MYSM1: variants seen among roughly 807,000 people sequenced by gnomAD.
The protein encoded by MYSM1 is deubiquitinase MYSM1.
In MYSM1, 51 loss-of-function variants were observed where a neutral mutation model predicts 116.0. The observed-to-expected ratio is 0.44, with a 90% CI of 0.35 to 0.56. The LOEUF is 0.56. Among genes scored for constraint, MYSM1 ranks in the 20% least tolerant of loss-of-function variants. The pLI, the probability that MYSM1 is intolerant of heterozygous loss-of-function variation, is 0.00. For missense variants in MYSM1, 900 were observed against 974.9 expected, an observed-to-expected ratio of 0.92 and a Z score of 1.02; for synonymous variants, 313 against 315.2, an observed-to-expected ratio of 0.99 and a Z score of 0.07.
intron 8 of MYSM1, among the ~76,000 whole-genome samples, chr1:58,678,764 G>A (rs11207290): frequency 0.17 from 26,570 of 152,096 alleles, 2,559 homozygotes; most frequent in South Asian, 0.28. Flanking sequence ...AATTTCCCTC[G>A]ACCAGATTTC....
At chr1:58,663,640 C>T (rs1350740402) in intron 17 of MYSM1, among the ~76,000 whole-genome samples, 1 of 152,188 alleles carries the variant, frequency 6.6e-6, no homozygotes, top group African/African-American at 2.4e-5. Flanking sequence ...TGGATAGTTC[C>T]CTCTAATGCT....
At chr1:58,669,688 C>T (rs1644526635) in intron 12 of MYSM1, among the ~76,000 whole-genome samples, 1 of 151,450 alleles carries the variant, frequency 6.6e-6, no homozygotes, top group Admixed American at 6.6e-5. Flanking sequence ...ACTAGCTGAG[C>T]GTGGTGGCGT....
At chr1:58,685,284 T>C (rs1163076764) in intron 6 of MYSM1, 33 bp from the exon 7 acceptor site, 3 of 1,516,692 alleles carry the variant, frequency 2.0e-6, no homozygotes, top group Non-Finnish European at 2.7e-6. Flanking sequence ...AAAATTGCTT[T>C]TGATGAATTT....
intron 5 of MYSM1, 100 bp from the exon 6 acceptor site, chr1:58,689,216 C>A: frequency 1.2e-6 from 1 of 824,264 alleles, no homozygotes; most frequent in Admixed American, 3.1e-5. Flanking sequence ...AAATTCAATA[C>A]TTTGAGTCTA....
At chr1:58,697,280 A>G (rs545375035) in intron 1 of MYSM1, among the ~76,000 whole-genome samples, 6 of 152,144 alleles carry the variant, frequency 3.9e-5, no homozygotes, top group Non-Finnish European at 7.3e-5. Context: ...TTATAAGGTG[A>G]AACTGAGGTG....
intron 12 of MYSM1, among the ~76,000 whole-genome samples, chr1:58,669,449 G>A (rs1402592245): frequency 6.6e-6 from 1 of 152,126 alleles, no homozygotes; most frequent in Non-Finnish European, 1.5e-5. Flanking sequence ...CTATAGAATA[G>A]GAACTTAAAA....
intron 8 of MYSM1, among the ~76,000 whole-genome samples, chr1:58,677,989 T>C (rs187494341): frequency 4.4e-3 from 667 of 152,300 alleles, no homozygotes; most frequent in African/African-American, 0.016. Flanking sequence ...ATTCCATGAA[T>C]ATATTGTTCT....
At chr1:58,664,379 T>C (rs1037782468) in intron 17 of MYSM1, among the ~76,000 whole-genome samples, 3 of 152,168 alleles carry the variant, frequency 2.0e-5, no homozygotes, top group Non-Finnish European at 2.9e-5. Context: ...TAAAAACCCA[T>C]AGTGTTGACC....
At chr1:58,693,472 T>C (rs1192908850) in intron 2 of MYSM1, among the ~76,000 whole-genome samples, 1 of 152,122 alleles carries the variant, frequency 6.6e-6, no homozygotes, top group African/African-American at 2.4e-5. Flanking sequence ...AAAACAGAAC[T>C]CACCATCACT....
At chr1:58,684,434 G>A (rs910323340) in intron 7 of MYSM1, among the ~76,000 whole-genome samples, 6 of 151,646 alleles carry the variant, frequency 4.0e-5, no homozygotes, top group Non-Finnish European at 5.9e-5. Context: ...GTGTGGTGGC[G>A]GGCACCTGTA....
At chr1:58,661,580 C>T in intron 17 of MYSM1, 69 bp from the exon 18 acceptor site, 2 of 866,262 alleles carry the variant, frequency 2.3e-6, no homozygotes, top group Non-Finnish European at 3.6e-6. Context: ...TTTAATTATA[C>T]TTAAAATTCC....
At chr1:58,686,085 C>T (rs528739618) in intron 6 of MYSM1, among the ~76,000 whole-genome samples, 6 of 152,182 alleles carry the variant, frequency 3.9e-5, no homozygotes, top group South Asian at 2.1e-4. Flanking sequence ...ACCACTTTGC[C>T]GGGCTAATTT....
intron 1 of MYSM1, among the ~76,000 whole-genome samples, chr1:58,695,945 C>T (rs2100684913): frequency 6.6e-6 from 1 of 152,226 alleles, no homozygotes; most frequent in African/African-American, 2.4e-5. Flanking sequence ...TAATATTTTG[C>T]TTCGTTATTG....
rs572951920 is a variant in MYSM1, at chr1:58,699,871, C to T, written c.68+114G>A. 238 of 1,516,566 alleles carry T rather than the reference C, an allele frequency of 1.6e-4. 1 individual carries two copies. The African/African-American group carries it at 3.0e-3, about 19-fold the overall frequency. 93.9% of individuals were successfully genotyped at this position (1,516,566 alleles called of 1,614,324 possible). On this transcript the variant is annotated intron_variant, in intron 1 of 19. Transcript: ENST00000472487. ...CCCAGGCCAACAAGAGACCCTGGCC[C>T]AGGGGACAGTCTTCTGTTCCCTTTT...
intron 13 of MYSM1, 112 bp downstream of exon 13, chr1:58,668,872 T>C (rs912910729): frequency 2.0e-6 from 2 of 985,968 alleles, no homozygotes; most frequent in Non-Finnish European, 3.1e-6. Flanking sequence ...TTCTCTCTCA[T>C]TTTCAGTCTT....
intron 6 of MYSM1, among the ~76,000 whole-genome samples, chr1:58,686,581 T>A (rs1442195764): frequency 6.6e-6 from 1 of 152,180 alleles, no homozygotes; most frequent in Non-Finnish European, 1.5e-5. Context: ...AAATATGACA[T>A]ATGGACAATT....
intron 16 of MYSM1, among the ~76,000 whole-genome samples, chr1:58,666,829 G>A (rs1325965415): frequency 3.3e-5 from 5 of 150,788 alleles, no homozygotes; most frequent in Middle Eastern, 3.5e-3. Context: ...AGCCAAGATC[G>A]TGCCATTGCA....
In MYSM1 at chr1:58,669,017, C is replaced by T; in HGVS notation, c.1683G>A (p.Leu561=). Residue 561 remains leucine (L), a synonymous_variant, in exon 13 of 20, where the codon CTG becomes CTA. Transcript: ENST00000472487. The part of the protein sequence containing the change: ...PTKSSFDPFQ[L]IPCNFFSEEK... ...CTTCACTAAAAAAATTACAAGGTAT[C>T]AGTTGGAAGGGATCAAACGAGCTGA... The T allele has an allele frequency of 1.9e-6, 3 of 1,600,950 alleles. No homozygotes were observed. The highest frequency in any genetic ancestry group is 2.6e-6 in the Non-Finnish European group (3 of 1,175,460).
At chr1:58,696,402 A>G (rs960143987) in intron 1 of MYSM1, among the ~76,000 whole-genome samples, 2 of 152,158 alleles carry the variant, frequency 1.3e-5, no homozygotes, top group Non-Finnish European at 1.5e-5. Flanking sequence ...TAAAGCTTGA[A>G]ATCACCTTTC....
Sources: allele counts gnomAD v4.1 joint callset (sites outside exome capture counted in the v4.1 genomes callset), GRCh38; gene constraint gnomAD v4.1.1; transcripts MANE v1.5; gene names NCBI Gene and HGNC (gene_info 2026-07-23, HGNC 2026-07-21).